STRN3: variants seen among roughly 807,000 people sequenced by gnomAD.
The protein encoded by STRN3 is striatin-3.
In STRN3, 29 loss-of-function variants were observed where a neutral mutation model predicts 95.6. The ratio of observed to expected loss-of-function variants is 0.30; its 90% confidence interval spans 0.23 to 0.41. The LOEUF (loss-of-function observed/expected upper bound fraction) is 0.41. STRN3 is among the 10% of genes least tolerant of loss of function. The pLI is 1.00. For synonymous variants in STRN3, 331 were observed against 357.6 expected, an observed-to-expected ratio of 0.93 and a Z score of 0.84; for missense variants, 890 against 972.1, an observed-to-expected ratio of 0.92 and a Z score of 1.12.
rs1370232115 is a variant in STRN3 at position 30,947,176 on chromosome 14, T to C, written c.630A>G (p.Glu210=). 3 of 1,613,428 alleles carry C rather than the reference T, an allele frequency of 1.9e-6. No homozygotes were observed. The highest frequency in any genetic ancestry group is 2.5e-6 in the Non-Finnish European group (3 of 1,179,740). The change falls in exon 5 of 18, where the codon GAA becomes GAG. Residue 210 remains glutamate, a synonymous_variant. Transcript: ENST00000357479. ...VRSLLGLSNS[E]PNGSVETKNL... The stretch of plus-strand genomic sequence containing the variant: ...TCTTTGTTTCTACTGATCCATTTGG[T>C]TCTGAATTAGATAGTCCAAGTAATG...
At chr14:30,940,018 C>T (rs894723595) in intron 5 of STRN3, among the ~76,000 whole-genome samples, 1 of 151,950 alleles carries the variant, frequency 6.6e-6, no homozygotes, top group Non-Finnish European at 1.5e-5. Context: ...CCTGAAATAA[C>T]TGCCTAGTGT....
intron 16 of STRN3, among the ~76,000 whole-genome samples, chr14:30,896,315 A>G (rs1367323403): frequency 1.3e-5 from 2 of 152,204 alleles, no homozygotes; most frequent in Non-Finnish European, 2.9e-5. Context: ...GGATTGCATC[A>G]AAGGCTCAAG....
At chr14:31,017,628 T>G (rs1421868992) in intron 1 of STRN3, among the ~76,000 whole-genome samples, 1 of 152,042 alleles carries the variant, frequency 6.6e-6, no homozygotes, top group Non-Finnish European at 1.5e-5. Flanking sequence ...CTGGAACAAA[T>G]TTCCCCCAAG....
At chr14:30,951,173 C>G (rs1415670027) in intron 3 of STRN3, among the ~76,000 whole-genome samples, 1 of 152,110 alleles carries the variant, frequency 6.6e-6, no homozygotes, top group Admixed American at 6.5e-5. Flanking sequence ...AGGGAAAACC[C>G]AAGTGTACTT....
At chr14:31,000,201 T>C (rs1882378620) in intron 1 of STRN3, among the ~76,000 whole-genome samples, 1 of 115,358 alleles carries the variant, frequency 8.7e-6, no homozygotes, top group Admixed American at 1.3e-4. Context: ...AGAGTGCTAG[T>C]AAAGTTAACT....
intron 1 of STRN3, among the ~76,000 whole-genome samples, chr14:31,023,366 C>T (rs1046286827): frequency 1.3e-5 from 2 of 152,212 alleles, no homozygotes; most frequent in South Asian, 4.2e-4. Context: ...AGATGTGATC[C>T]TTTAGTTTGG....
chr14:30,898,572 A>C (rs4981800), intron 16 of STRN3, among the ~76,000 whole-genome samples: 151,812 of 152,316 alleles, frequency 1, 75,661 homozygotes, highest in Middle Eastern at 1. Flanking sequence ...TGAATAGAGA[A>C]CACAATGCTG....
rs1191963792 is a variant in STRN3 at position 30,929,954 on chromosome 14, CAAA to C, written c.989-646_989-644del. Reference sequence around the variant, plus strand: ...TCCATTGGTCTACAACTAAGATTAGCAAAAAAAAAAAAAAAAAAAAAAAAACTC... The same window carrying C: ...TCCATTGGTCTACAACTAAGATTAGCAAAAAAAAAAAAAAAAAAAAAACTC... On this transcript the variant is annotated intron_variant, in intron 7 of 17. Transcript: ENST00000357479. 1.2e-3 allele frequency among the ~76,000 whole-genome samples: 47 copies of C among 39,994 alleles called. 1 individual carries two copies. Among genetic ancestry groups the C allele is most frequent in the Middle Eastern group, 0.02 (1 of 50 alleles). 26.2% of individuals were successfully genotyped at this position (39,994 alleles called of 152,430 possible). A position where few individuals can be genotyped will look rare whatever the true frequency, so the allele number is the denominator to read the frequency against.
At chr14:31,016,851 A>T (rs915351516) in intron 1 of STRN3, among the ~76,000 whole-genome samples, 2 of 152,174 alleles carry the variant, frequency 1.3e-5, no homozygotes, top group African/African-American at 4.8e-5. Flanking sequence ...CCAAAAAATA[A>T]TTTTTAAAAA....
At chr14:31,015,987 G>T (rs1169412718) in intron 1 of STRN3, among the ~76,000 whole-genome samples, 1 of 152,004 alleles carries the variant, frequency 6.6e-6, no homozygotes, top group East Asian at 1.9e-4. Flanking sequence ...TTTCATTAGG[G>T]GAATGTAAAT....
At chr14:30,961,151 T>C (rs1347981059) in intron 1 of STRN3, among the ~76,000 whole-genome samples, 1 of 152,194 alleles carries the variant, frequency 6.6e-6, no homozygotes, top group East Asian at 1.9e-4. Flanking sequence ...ATCCCAGGCT[T>C]GTTTTTGCAT....
At chr14:30,973,253 G>C (rs1464646681) in intron 1 of STRN3, among the ~76,000 whole-genome samples, 1 of 88,282 alleles carries the variant, frequency 1.1e-5, no homozygotes, top group Non-Finnish European at 2.3e-5. Context: ...AGAGATCAAT[G>C]AAACAGAATA....
At chr14:31,012,044 T>C (rs1264088448) in intron 1 of STRN3, among the ~76,000 whole-genome samples, 1 of 152,228 alleles carries the variant, frequency 6.6e-6, no homozygotes, top group African/African-American at 2.4e-5. Context: ...ATCGCGCAAC[T>C]GCGCTCCAGC....
chr14:30,969,688 T>C (rs888352957), intron 1 of STRN3, among the ~76,000 whole-genome samples: 13 of 152,144 alleles, frequency 8.5e-5, no homozygotes, highest in African/African-American at 4.8e-5. Context: ...CCAAAAACTA[T>C]ATATAAAGTC....
At chr14:31,008,342 CTA>C (rs1355820340) in intron 1 of STRN3, among the ~76,000 whole-genome samples, 17 of 151,518 alleles carry the variant, frequency 1.1e-4, no homozygotes. Flanking sequence ...AACCCAGTCT[CTA>C]TAAAAATACA....
intron 13 of STRN3, 141 bp downstream of exon 13, chr14:30,910,900 A>T: frequency 4.4e-6 from 4 of 899,464 alleles, no homozygotes; most frequent in Non-Finnish European, 6.4e-6. Context: ...TTTTCTCTTT[A>T]ATAAAGCAAT....
At chr14:30,913,384 C>T in intron 10 of STRN3, 140 bp downstream of exon 10, 4 of 961,676 alleles carry the variant, frequency 4.2e-6, no homozygotes, top group Non-Finnish European at 5.7e-6. Flanking sequence ...AAAAGAAAAA[C>T]ATGTCACTTC....
intron 1 of STRN3, among the ~76,000 whole-genome samples, chr14:30,969,998 C>G (rs1880743779): frequency 6.6e-6 from 1 of 152,146 alleles, no homozygotes; most frequent in African/African-American, 2.4e-5. Context: ...GCCACCCCCT[C>G]CAGTCATGGA....
At position 30,943,634 on chromosome 14, in the gene STRN3, C is replaced by T. The variant is rs1879198028; in HGVS notation, c.716+3456G>A. Among the ~76,000 whole-genome samples the T allele has an allele frequency of 3.9e-5, 6 of 152,156 alleles. No homozygotes were observed. In the South Asian group the frequency reaches 1.2e-3, roughly 32 times the overall value. On this transcript the variant is annotated intron_variant, in intron 5 of 17. Coordinates refer to ENST00000357479, the MANE Select transcript of STRN3 (RefSeq NM_001083893.2). ...TAAACAAATAAACAACTATTACCTA[C>T]ATGTCCATCAACAGGTAAAGAAATA...
Sources: gnomAD v4.1 joint callset for allele counts (sites outside exome capture counted in the v4.1 genomes callset) on GRCh38, gnomAD v4.1.1 for gene constraint, MANE v1.5 for transcripts, NCBI Gene and HGNC (gene_info 2026-07-23, HGNC 2026-07-21) for gene names.